Variants in DNMBP observed in about 807,000 individuals in gnomAD.
DNMBP encodes dynamin binding protein, also known as dynamin-binding protein.
Under a neutral mutation model 150.0 loss-of-function variants are expected in DNMBP, and 87 were observed. That is an observed-to-expected ratio of 0.58 (90% CI 0.49 to 0.69). The LOEUF is 0.69. Ranked by LOEUF, DNMBP falls within the 30% of genes least tolerant of loss-of-function variation. The pLI is 0.00. For synonymous variants in DNMBP, 711 were observed against 750.4 expected (o/e 0.95, Z 0.86); for missense variants, 1,774 against 1,949.0 (o/e 0.91, Z 1.69).
At chr10:99,983,309 C>T (rs972247090) in intron 1 of DNMBP, among the ~76,000 whole-genome samples, 1 of 152,176 alleles carries the variant, frequency 6.6e-6, no homozygotes, top group Non-Finnish European at 1.5e-5. Flanking sequence ...CTTGACAATA[C>T]AAGAGCTCAT....
intron 12 of DNMBP, among the ~76,000 whole-genome samples, chr10:99,887,593 GAATACAT>G (rs1027058189): frequency 2.0e-5 from 3 of 152,016 alleles, no homozygotes; most frequent in Non-Finnish European, 2.9e-5. Context: ...GTAAGGCAAT[GAATACAT>G]AAAGAACATA....
chr10:99,915,128 T>TATATATATATAC (rs1439020903), intron 4 of DNMBP, among the ~76,000 whole-genome samples: 151 of 126,054 alleles, frequency 1.2e-3, no homozygotes, highest in African/African-American at 4.7e-3. Context: ...TATATATATA[T>TATATATATATAC]ACACACACAC....
chr10:99,898,441 C>T, intron 8 of DNMBP, 156 bp from the exon 9 acceptor site: 2 of 717,870 alleles, frequency 2.8e-6, no homozygotes, highest in Non-Finnish European at 4.9e-6. Flanking sequence ...GCTCTCTATT[C>T]TTTTACCCTA....
At chr10:99,971,652 C>A (rs2040677978) in intron 2 of DNMBP, among the ~76,000 whole-genome samples, 1 of 152,040 alleles carries the variant, frequency 6.6e-6, no homozygotes, top group South Asian at 2.1e-4. Flanking sequence ...TCCTGAGTAG[C>A]TGGGATTACA....
chr10:99,876,559 T>G lies in DNMBP; in HGVS notation c.*592A>C, dbSNP rs1139943. 20,065 of 152,178 alleles carry G rather than the reference T, an allele frequency of 0.13. 1,958 individuals are homozygous for G. Among genetic ancestry groups the G allele is most frequent in the African/African-American group, 0.27 (11,039 of 41,470 alleles). The allele number at this position is 152,178 out of a possible 1,614,324, so 9.4% of individuals were successfully genotyped here. ...GAGTAAAAGAAACAAGGTTACAGAATGTAGTGCTTTAGGGACTTTAGAAAT... is the reference window on the plus strand; with the variant it reads ...GAGTAAAAGAAACAAGGTTACAGAAGGTAGTGCTTTAGGGACTTTAGAAAT... On this transcript the variant is annotated 3_prime_UTR_variant, in exon 17 of 17. Coordinates refer to ENST00000324109, the MANE Select transcript of DNMBP (RefSeq NM_015221.4).
chr10:99,924,979 A>T (rs1367878246), intron 4 of DNMBP, among the ~76,000 whole-genome samples: 1 of 152,136 alleles, frequency 6.6e-6, no homozygotes, highest in African/African-American at 2.4e-5. Flanking sequence ...ACTCCCTGTC[A>T]TATGCTCTGT....
rs1226722582 is a variant in DNMBP, at chr10:99,970,660, A to C, written c.145+1320T>G. ...AGGTGGAGAGCACCTTGTGTTCCAC[A>C]AATCATAAAGCTGGTTATGAAAAGC... On this transcript the variant is annotated intron_variant, in intron 2 of 16. Coordinates refer to ENST00000324109, the MANE Select transcript of DNMBP (RefSeq NM_015221.4). Among the ~76,000 whole-genome samples the C allele has an allele frequency of 3.9e-5, 6 of 152,282 alleles. No individual in the cohort carries two copies. In the East Asian group the frequency reaches 9.7e-4, roughly 25 times the overall value.
chr10:99,998,330 C>T (rs962789347), intron 1 of DNMBP, among the ~76,000 whole-genome samples: 4 of 151,768 alleles, frequency 2.6e-5, no homozygotes, highest in Non-Finnish European at 4.4e-5. Flanking sequence ...GTAATCCCAA[C>T]ACTTTGGGAG....
chr10:99,917,023 AG>A (rs2039971837), intron 4 of DNMBP, among the ~76,000 whole-genome samples: 1 of 151,818 alleles, frequency 6.6e-6, no homozygotes, highest in Non-Finnish European at 1.5e-5. Context: ...AAAGAGCAAA[AG>A]GGCCCAGGTA....
At position 99,886,204 on chromosome 10, in the gene DNMBP, T is replaced by C; in HGVS notation, c.3618+96A>G. On this transcript the variant is annotated intron_variant, in intron 13 of 16. Coordinates refer to ENST00000324109, the MANE Select transcript of DNMBP (RefSeq NM_015221.4). Reference sequence around the variant, plus strand: ...CTAGCGACACATTCAGTTTATCTAATTCAGATAATTTTTCAAACCATGCTA... The same window carrying C: ...CTAGCGACACATTCAGTTTATCTAACTCAGATAATTTTTCAAACCATGCTA... The C allele has an allele frequency of 1.2e-5, 12 of 1,019,306 alleles. No individual in the cohort carries two copies. In the South Asian group the frequency reaches 1.9e-4, roughly 16 times the overall value. The allele number at this position is 1,019,306 out of a possible 1,614,324, so 63.1% of individuals were successfully genotyped here.
Position 99,908,989 on chromosome 10 carries a change from A to G in DNMBP, c.2418T>C (p.Cys806=). ...GCATGGGTACCATGATCCGCTCAATACACATTTCCAGATCCCGAATGTAGT... is the reference window on the plus strand; with the variant it reads ...GCATGGGTACCATGATCCGCTCAATGCACATTTCCAGATCCCGAATGTAGT... ...ERDYIRDLEM[C]IERIMVPMQQ... Residue 806 remains cysteine, a synonymous_variant, in exon 5 of 17, where the codon TGT becomes TGC. Transcript: ENST00000324109. The G allele has an allele frequency of 6.2e-7, 1 of 1,614,114 alleles. No homozygotes were observed. The highest frequency in any genetic ancestry group is 8.5e-7 in the Non-Finnish European group (1 of 1,180,010).
intron 15 of DNMBP, among the ~76,000 whole-genome samples, 196 bp downstream of exon 15, chr10:99,883,815 G>C (rs890129605): frequency 2.2e-4 from 33 of 152,116 alleles, no homozygotes; most frequent in African/African-American, 7.2e-4. Context: ...TCTGGAATTT[G>C]TCAAAACAAA....
At chr10:99,919,122 A>C (rs1006035046) in intron 4 of DNMBP, among the ~76,000 whole-genome samples, 2 of 152,228 alleles carry the variant, frequency 1.3e-5, no homozygotes, top group Admixed American at 1.3e-4. Context: ...ACAAATGAGG[A>C]AACAGGCAAA....
intron 12 of DNMBP, 92 bp from the exon 13 acceptor site, chr10:99,886,724 C>G (rs1450820033): frequency 8.3e-7 from 1 of 1,207,796 alleles, no homozygotes; most frequent in East Asian, 2.3e-5. Context: ...TTGTTGTGTC[C>G]TGAACCACCT....
Position 99,956,525 on chromosome 10 carries a change from G to C in DNMBP, c.949C>G (p.Leu317Val), listed in dbSNP as rs1403470088. 2 of 1,614,112 alleles carry C rather than the reference G, an allele frequency of 1.2e-6. No homozygotes were observed. The stretch of plus-strand genomic sequence containing the variant: ...AAAGAAGTTTCCGGGATCCTGGCAA[G>C]GCTGCCTTCCTGGGGCAGAGCCATG... Reference protein sequence around the residue: ...ETMALPQEGSLARIPETSLDC... With the variant: ...ETMALPQEGSVARIPETSLDC... The change falls in exon 4 of 17, where the codon CTT becomes GTT. Residue 317 changes from leucine (L) to valine (V), a missense_variant. Leu to Val is a conservative substitution (Grantham distance 32). This residue lies in a region of DNMBP where 344 missense variants were observed against 456.6 expected (regional missense o/e 0.75). Coordinates refer to ENST00000324109, the MANE Select transcript of DNMBP (RefSeq NM_015221.4).
intron 11 of DNMBP, among the ~76,000 whole-genome samples, chr10:99,891,341 G>A (rs1031763291): frequency 1.3e-5 from 2 of 150,892 alleles, no homozygotes; most frequent in African/African-American, 4.9e-5. Context: ...GCGCCACCAC[G>A]CCTGACTGGT....
intron 10 of DNMBP, 51 bp downstream of exon 10, chr10:99,896,216 C>A: frequency 6.3e-7 from 1 of 1,594,996 alleles, no homozygotes; most frequent in South Asian, 1.1e-5. Context: ...TCTCATGGAG[C>A]CCTGAAAAGC....
Position 99,955,852 on chromosome 10 carries a change from T to C in DNMBP, c.1622A>G (p.Gln541Arg). 2 of 1,614,240 alleles carry C rather than the reference T, an allele frequency of 1.2e-6. No homozygotes were observed. The highest frequency in any genetic ancestry group is 3.3e-4 in the Middle Eastern group (2 of 6,062). Residue 541 changes from glutamine (Q) to arginine (R), a missense_variant, in exon 4 of 17, where the codon CAG becomes CGG. Transcript: ENST00000324109. ...GTCCAGGTCAGTGCTGCCGTCTCCC[T>C]GTGAATGTGTTGCTGCTTCCATAAC... ...GLVMEAATHS[Q>R]GDGSTDLDSK... is the part of the protein sequence containing the mutation.
At chr10:99,884,843 G>A (rs530667650) in intron 14 of DNMBP, among the ~76,000 whole-genome samples, 1 of 152,200 alleles carries the variant, frequency 6.6e-6, no homozygotes, top group African/African-American at 2.4e-5. Context: ...GGTGGAGGAT[G>A]CAGTGAGCCA....
Sources: gnomAD v4.1 joint callset for allele counts (sites outside exome capture counted in the v4.1 genomes callset) on GRCh38, gnomAD v4.1.1 for gene constraint, gnomAD v4.1.1 regional missense constraint, MANE v1.5 for transcripts, NCBI Gene and HGNC (gene_info 2026-07-23, HGNC 2026-07-21) for gene names.